Variants in MAGI1 observed in about 807,000 individuals in gnomAD.
The protein encoded by MAGI1 is membrane-associated guanylate kinase, WW and PDZ domain-containing protein 1.
A neutral mutation model predicts 139.9 loss-of-function variants in MAGI1; 58 were observed. The ratio of observed to expected loss-of-function variants is 0.41; its 90% CI spans 0.34 to 0.52. MAGI1 has a LOEUF of 0.52. Among genes scored for constraint, MAGI1 ranks in the 20% least tolerant of loss-of-function variants. MAGI1 has a pLI of 0.12. For missense variants in MAGI1, 1,874 were observed against 1,901.6 expected (o/e 0.99, Z 0.27); for synonymous variants, 812 against 737.9 (o/e 1.10, Z -1.63).
chr3:65,477,042 C>A (rs1950931743), intron 4 of MAGI1, among the ~76,000 whole-genome samples: 1 of 152,088 alleles, frequency 6.6e-6, no homozygotes, highest in South Asian at 2.1e-4. Context: ...CCAATCCTAG[C>A]GAGTCATTTT....
intron 1 of MAGI1, among the ~76,000 whole-genome samples, chr3:65,745,570 A>T (rs1433434585): frequency 6.6e-6 from 1 of 152,266 alleles, no homozygotes; most frequent in African/African-American, 2.4e-5. Flanking sequence ...ACCAGGCAGA[A>T]CCAAATGTAA....
intron 1 of MAGI1, among the ~76,000 whole-genome samples, chr3:65,666,739 C>T (rs774636679): frequency 4.6e-5 from 7 of 152,186 alleles, no homozygotes; most frequent in Admixed American, 2.0e-4. Context: ...CAACCTCCCC[C>T]TCATGGCCAT....
chr3:65,378,195 A>G (rs1203283016), intron 17 of MAGI1, among the ~76,000 whole-genome samples: 1 of 152,224 alleles, frequency 6.6e-6, no homozygotes, highest in Non-Finnish European at 1.5e-5. Context: ...ATATATCACT[A>G]GTTTCTGCAA....
intron 1 of MAGI1, among the ~76,000 whole-genome samples, chr3:65,694,414 G>A (rs970886783): frequency 6.6e-6 from 1 of 151,142 alleles, no homozygotes; most frequent in African/African-American, 2.4e-5. Flanking sequence ...AATGTGCTTT[G>A]GAATATGCCT....
intron 2 of MAGI1, among the ~76,000 whole-genome samples, chr3:65,598,278 T>A (rs1324315683): frequency 1.3e-5 from 2 of 152,106 alleles, no homozygotes; most frequent in Non-Finnish European, 2.9e-5. Flanking sequence ...CAGGTCCCCA[T>A]CACCCGCATG....
At chr3:65,851,892 C>CATA (rs1307725716) in intron 1 of MAGI1, among the ~76,000 whole-genome samples, 1 of 152,134 alleles carries the variant, frequency 6.6e-6, no homozygotes, top group Non-Finnish European at 1.5e-5. Context: ...AGTTTTAGAA[C>CATA]ATATGCATCA....
intron 1 of MAGI1, among the ~76,000 whole-genome samples, chr3:65,693,677 CA>C (rs1283170032): frequency 6.6e-6 from 1 of 151,742 alleles, no homozygotes; most frequent in Admixed American, 6.6e-5. Flanking sequence ...TGAATTCTGA[CA>C]GGGTATCCAT....
chr3:66,009,952 T>TGGTGG (rs1156529696), intron 1 of MAGI1, among the ~76,000 whole-genome samples: 4 of 151,790 alleles, frequency 2.6e-5, no homozygotes, highest in African/African-American at 7.2e-5. Context: ...GGTGGGTGCC[T>TGGTGG]GTAATCCCAG....
chr3:65,976,022 G>T (rs949092756), intron 1 of MAGI1, among the ~76,000 whole-genome samples: 1 of 152,118 alleles, frequency 6.6e-6, no homozygotes, highest in African/African-American at 2.4e-5. Context: ...TTTATTTATG[G>T]CTTCATCCTA....
At chr3:65,783,477 G>A (rs55982122) in intron 1 of MAGI1, among the ~76,000 whole-genome samples, 27,596 of 151,394 alleles carry the variant, frequency 0.18, 2,822 homozygotes, top group South Asian at 0.38. Flanking sequence ...ATGAGACTCT[G>A]TCTCCAGAAA....
intron 1 of MAGI1, among the ~76,000 whole-genome samples, chr3:65,676,008 A>C (rs2087167949): frequency 6.6e-6 from 1 of 152,222 alleles, no homozygotes; most frequent in African/African-American, 2.4e-5. Context: ...GAGGAGAAAA[A>C]CCACATGGTT....
chr3:65,847,587 G>A (rs983314542), intron 1 of MAGI1, among the ~76,000 whole-genome samples: 12 of 152,120 alleles, frequency 7.9e-5, no homozygotes, highest in Non-Finnish European at 1.6e-4. Flanking sequence ...CAATGTGTAT[G>A]ATAAATATCA....
chr3:65,446,397 C>T (rs1575776179), intron 7 of MAGI1, among the ~76,000 whole-genome samples: 2 of 152,176 alleles, frequency 1.3e-5, no homozygotes, highest in South Asian at 4.1e-4. Context: ...TTGATCTGAA[C>T]CCAGAGAAAG....
intron 2 of MAGI1, among the ~76,000 whole-genome samples, chr3:65,584,844 G>C (rs2081601595): frequency 6.6e-6 from 1 of 152,150 alleles, no homozygotes; most frequent in Admixed American, 6.5e-5. Context: ...CATTCGACCA[G>C]TTCATTTAAA....
At chr3:65,980,786 A>G (rs74914805) in intron 1 of MAGI1, among the ~76,000 whole-genome samples, 3,139 of 152,298 alleles carry the variant, frequency 0.021, 100 homozygotes, top group African/African-American at 0.068. Flanking sequence ...TGTGCTGTAG[A>G]GCTTACCCCG....
chr3:65,645,726 A>G (rs564426516), intron 1 of MAGI1, among the ~76,000 whole-genome samples: 2 of 152,148 alleles, frequency 1.3e-5, no homozygotes, highest in African/African-American at 4.8e-5. Flanking sequence ...AATATTTCAG[A>G]CAATGATATT....
At chr3:65,638,597 ATTTTTTTTT>A (rs1173086138) in intron 1 of MAGI1, among the ~76,000 whole-genome samples, 346 of 41,014 alleles carry the variant, frequency 8.4e-3, no homozygotes, top group East Asian at 0.037. Context: ...TGCTCTCCTG[ATTTTTTTTT>A]TTTTTTTTTT....
intron 1 of MAGI1, among the ~76,000 whole-genome samples, chr3:66,000,304 T>C (rs894580089): frequency 6.6e-6 from 1 of 151,996 alleles, no homozygotes; most frequent in Non-Finnish European, 1.5e-5. Context: ...TAAAACAGCT[T>C]GACATTCCTT....
intron 12 of MAGI1, among the ~76,000 whole-genome samples, chr3:65,410,351 G>A (rs972262611): frequency 6.6e-6 from 1 of 152,194 alleles, no homozygotes; most frequent in Admixed American, 6.5e-5. Flanking sequence ...TCATTCTGCA[G>A]AAGAGAAAAC....
Sources: allele counts gnomAD v4.1 joint callset (sites outside exome capture counted in the v4.1 genomes callset), GRCh38; gene constraint gnomAD v4.1.1; transcripts MANE v1.5; gene names NCBI Gene and HGNC (gene_info 2026-07-23, HGNC 2026-07-21).